AK9: variants seen among roughly 807,000 people sequenced by gnomAD.
AK9 encodes the protein adenylate kinase domain containing 1.
AK9 carries 191 observed loss-of-function variants against 239.6 expected under a neutral mutation model. The ratio of observed to expected loss-of-function variants is 0.80; its 90% CI spans 0.71 to 0.90. AK9 has a LOEUF of 0.90. AK9 is among the 40% of genes least tolerant of loss of function. The probability of loss-of-function intolerance (pLI) is 0.00; values close to 1 mark genes in which losing one functional copy is unlikely to be tolerated. For missense variants in AK9, 1,995 were observed against 2,214.7 expected, an observed-to-expected ratio of 0.90 and a Z score of 1.99; for synonymous variants, 689 against 721.0, an observed-to-expected ratio of 0.96 and a Z score of 0.71.
At chr6:109,608,849 A>G (rs1793240278) in intron 17 of AK9, among the ~76,000 whole-genome samples, 1 of 152,164 alleles carries the variant, frequency 6.6e-6, no homozygotes, top group African/African-American at 2.4e-5. Flanking sequence ...AAAAGAAACA[A>G]TCCAATTTAA....
intron 12 of AK9, among the ~76,000 whole-genome samples, chr6:109,622,374 T>C (rs1794976706): frequency 7.0e-6 from 1 of 142,970 alleles, no homozygotes. Context: ...GCATACTATA[T>C]CGTATAGTAT....
At chr6:109,558,362 T>G (rs1202975825) in intron 24 of AK9, among the ~76,000 whole-genome samples, 2 of 152,180 alleles carry the variant, frequency 1.3e-5, no homozygotes, top group Non-Finnish European at 2.9e-5. Flanking sequence ...AGTTTTGTAA[T>G]GTACATTTAG....
intron 17 of AK9, among the ~76,000 whole-genome samples, chr6:109,609,080 T>G (rs927017280): frequency 6.6e-6 from 1 of 152,226 alleles, no homozygotes; most frequent in Admixed American, 6.5e-5. Context: ...CTCATACGAT[T>G]TAAACTACAG....
At position 109,506,556 on chromosome 6, in the gene AK9, GA is replaced by G; in HGVS notation, c.4629-10del. ...GCAATGGATAAGGCAATCTAATAGG[GA>G]AACAGAGAAGGAATGGAAAAAGCTG... On this transcript the variant is annotated splice_polypyrimidine_tract_variant and intron_variant, in intron 34 of 40. Transcript: ENST00000424296. 3 of 1,564,462 alleles carry G rather than the reference GA, an allele frequency of 1.9e-6. No homozygotes were observed. Among genetic ancestry groups the G allele is most frequent in the Non-Finnish European group, 2.6e-6 (3 of 1,150,970 alleles).
At chr6:109,675,563 G>T in intron 2 of AK9, 66 bp downstream of exon 2, 1 of 1,041,588 alleles carries the variant, frequency 9.6e-7, no homozygotes, top group South Asian at 2.1e-5. Context: ...ATTTTTATAT[G>T]GTAACTTAGA....
chr6:109,594,207 T>C (rs1201765478), intron 17 of AK9, among the ~76,000 whole-genome samples: 1 of 152,116 alleles, frequency 6.6e-6, no homozygotes, highest in Non-Finnish European at 1.5e-5. Flanking sequence ...TCGAAAGCAT[T>C]CCTATACACC....
In AK9 at chr6:109,614,241, T is replaced by G; in HGVS notation, c.1551A>C (p.Glu517Asp). ...DRGSSLVDTEEAKTKSENVLH... is the reference protein window; with the variant it reads ...DRGSSLVDTEDAKTKSENVLH... Reference sequence around the variant, plus strand: ...GGACATTTTCTGACTTTGTTTTGGCTTCTTCGGTGTCCACTAAAGAGCTGC... The same window carrying G: ...GGACATTTTCTGACTTTGTTTTGGCGTCTTCGGTGTCCACTAAAGAGCTGC... Residue 517 changes from glutamate to aspartate, a missense_variant, in exon 15 of 41, where the codon GAA becomes GAC. This residue lies in a region of AK9 where 1,290 missense variants were observed against 1,392.7 expected (regional missense o/e 0.93). Transcript: ENST00000424296. The G allele has an allele frequency of 1.9e-6, 3 of 1,551,444 alleles. No individual in the cohort carries two copies. The highest frequency in any genetic ancestry group is 2.6e-6 in the Non-Finnish European group (3 of 1,146,784).
chr6:109,564,327 C>T (rs1258534944), intron 22 of AK9, 47 bp from the exon 23 acceptor site: 14 of 1,439,340 alleles, frequency 9.7e-6, no homozygotes, highest in Non-Finnish European at 1.3e-5. Flanking sequence ...TTTAAATATC[C>T]TATCTTTAGC....
intron 8 of AK9, among the ~76,000 whole-genome samples, chr6:109,655,407 C>A (rs192763836): frequency 6.6e-6 from 1 of 152,124 alleles, no homozygotes; most frequent in Non-Finnish European, 1.5e-5. Context: ...TTTAAAAAAT[C>A]ATTTCTATGA....
At chr6:109,587,307 G>A (rs1789629253) in intron 17 of AK9, among the ~76,000 whole-genome samples, 2 of 152,114 alleles carry the variant, frequency 1.3e-5, no homozygotes, top group South Asian at 4.1e-4. Context: ...TTCAATTGTT[G>A]TTTGAAACAA....
chr6:109,669,599 G>C (rs1333577904), intron 5 of AK9, among the ~76,000 whole-genome samples: 1 of 152,028 alleles, frequency 6.6e-6, no homozygotes, highest in African/African-American at 2.4e-5. Flanking sequence ...TAGCATGAAG[G>C]GCTGTTGAAT....
intron 32 of AK9, 149 bp from the exon 33 acceptor site, chr6:109,509,529 G>A: frequency 1.1e-5 from 8 of 724,352 alleles, no homozygotes; most frequent in South Asian, 2.0e-5. Context: ...TGATGGCAGT[G>A]GCTGCTGCCA....
intron 26 of AK9, among the ~76,000 whole-genome samples, chr6:109,543,075 T>C (rs1783098432): frequency 6.6e-6 from 1 of 152,128 alleles, no homozygotes; most frequent in Non-Finnish European, 1.5e-5. Context: ...CCATCTGAAA[T>C]ACAAACTAGA....
intron 1 of AK9, among the ~76,000 whole-genome samples, chr6:109,681,049 A>G (rs897511248): frequency 3.3e-5 from 5 of 152,234 alleles, no homozygotes; most frequent in African/African-American, 1.2e-4. Flanking sequence ...CTAATGGGCA[A>G]AACAGCCGGC....
rs1583065628 is a variant in AK9, at chr6:109,573,442, C to T, written c.2344G>A (p.Val782Ile). The T allele has an allele frequency of 1.3e-6, 2 of 1,545,300 alleles. No homozygotes were observed. Among genetic ancestry groups the T allele is most frequent in the Non-Finnish European group, 1.7e-6 (2 of 1,144,834 alleles). The stretch of plus-strand genomic sequence containing the variant: ...GAACTTGCTATCAATAAAGTCTAAC[C>T]TGCTTCAGGCTCAGTTTCAGGGACC... ...SEVPETEPEA[V>I]SEPIEETTVE... The change falls in exon 21 of 41, where the codon GTA becomes ATA. Residue 782 changes from valine to isoleucine, a missense_variant and splice_region_variant. Val to Ile is a conservative substitution (Grantham distance 29). Coordinates refer to ENST00000424296, the MANE Select transcript of AK9 (RefSeq NM_001145128.3).
Position 109,542,149 on chromosome 6 carries a change from T to C in AK9, c.3248A>G (p.Glu1083Gly). Residue 1083 changes from glutamate (E) to glycine (G), a missense_variant, in exon 27 of 41, where the codon GAA (glutamate) becomes GGA (glycine). Physicochemically the swap from Glu to Gly is moderately conservative, Grantham distance 98. Transcript: ENST00000424296. ...ACTTGATTTGATTACTTCTTCTTCT[T>C]CTGTAAGTTGTACTTCTGGAAGCTA... ...KKQLPEVQLT[E>G]EEEVIKSSLM... 1 of 1,599,562 alleles carries C rather than the reference T, an allele frequency of 6.3e-7. No homozygotes were observed. Among genetic ancestry groups the C allele is most frequent in the Non-Finnish European group, 8.5e-7 (1 of 1,174,794 alleles).
intron 17 of AK9, among the ~76,000 whole-genome samples, chr6:109,587,571 ATTG>A (rs1789669841): frequency 6.6e-6 from 1 of 151,996 alleles, no homozygotes; most frequent in South Asian, 2.1e-4. Flanking sequence ...ATGTGTACAC[ATTG>A]TTTAGCTCCC....
At chr6:109,656,662 A>G in intron 8 of AK9, 94 bp downstream of exon 8, 1 of 1,353,016 alleles carries the variant, frequency 7.4e-7, no homozygotes, top group Non-Finnish European at 1.0e-6. Context: ...CAGACAGATA[A>G]TAACACATGG....
At chr6:109,538,912 T>A (rs1413952403) in intron 27 of AK9, among the ~76,000 whole-genome samples, 1 of 152,188 alleles carries the variant, frequency 6.6e-6, no homozygotes, top group East Asian at 1.9e-4. Flanking sequence ...TTCTTTTCTT[T>A]AAGAATGTTG....
Sources: allele counts gnomAD v4.1 joint callset (sites outside exome capture counted in the v4.1 genomes callset), GRCh38; gene constraint gnomAD v4.1.1; regional missense constraint gnomAD v4.1.1; transcripts MANE v1.5; gene names NCBI Gene and HGNC (gene_info 2026-07-23, HGNC 2026-07-21).